MACROD1: variants seen among roughly 807,000 people sequenced by gnomAD.
The protein encoded by MACROD1 is ADP-ribose glycohydrolase MACROD1.
MACROD1 carries 31 observed loss-of-function variants against 41.4 expected under a neutral mutation model. That is an observed-to-expected ratio of 0.75 (90% CI 0.56 to 1.01). The LOEUF (loss-of-function observed/expected upper bound fraction) is 1.01, where lower values mean the gene tolerates loss of function less well. Ranked by LOEUF, MACROD1 falls within the 50% of genes least tolerant of loss-of-function variation. The pLI, the probability that MACROD1 is intolerant of heterozygous loss-of-function variation, is 0.00. For missense variants in MACROD1, 473 were observed against 460.0 expected, an observed-to-expected ratio of 1.03 and a Z score of -0.26; for synonymous variants, 252 against 203.4, an observed-to-expected ratio of 1.24 and a Z score of -2.03.
Position 63,999,652 on chromosome 11 carries a change from A to G in MACROD1, c.776T>C (p.Leu259Pro). The change falls in exon 6 of 11, where the codon CTC becomes CCC. Residue 259 changes from leucine (L) to proline (P), a missense_variant. Transcript: ENST00000255681. ...SSLDLLLEHR[L>P]RSVAFPCIST... Reference sequence around the variant, plus strand: ...CGGGCCGTCCCTCACCACCGAGCGGAGCCGGTGCTCCAGCAGCAGGTCCAG... The same window carrying G: ...CGGGCCGTCCCTCACCACCGAGCGGGGCCGGTGCTCCAGCAGCAGGTCCAG... 1 of 1,609,228 alleles carries G rather than the reference A, an allele frequency of 6.2e-7. No individual in the cohort carries two copies. The highest frequency in any genetic ancestry group is 8.5e-7 in the Non-Finnish European group (1 of 1,178,914).
At chr11:64,045,092 T>G (rs1943558925) in intron 3 of MACROD1, among the ~76,000 whole-genome samples, 1 of 152,174 alleles carries the variant, frequency 6.6e-6, no homozygotes, top group Non-Finnish European at 1.5e-5. Context: ...GGGGGAGCAG[T>G]CCGGGTGCAT....
intron 3 of MACROD1, among the ~76,000 whole-genome samples, chr11:64,034,172 G>A (rs1016895873): frequency 1.3e-5 from 2 of 152,304 alleles, no homozygotes; most frequent in East Asian, 1.9e-4. Context: ...TGAGCCACAC[G>A]CCAAGTGCTG....
intron 5 of MACROD1, 125 bp from the exon 6 acceptor site, chr11:63,999,888 C>A: frequency 8.8e-7 from 1 of 1,130,680 alleles, no homozygotes; most frequent in South Asian, 1.6e-5. Context: ...GAGCCTCCTC[C>A]GCGAAGGCCC....
At chr11:64,024,719 G>A (rs1165604065) in intron 3 of MACROD1, among the ~76,000 whole-genome samples, 2 of 152,200 alleles carry the variant, frequency 1.3e-5, no homozygotes, top group African/African-American at 4.8e-5. Context: ...GAGGGTGGAG[G>A]GCATCAGAGA....
At chr11:64,059,500 C>T (rs1356878471) in intron 3 of MACROD1, among the ~76,000 whole-genome samples, 1 of 152,198 alleles carries the variant, frequency 6.6e-6, no homozygotes, top group Admixed American at 6.5e-5. Context: ...CACAGGCTGA[C>T]CCTGGGTACC....
intron 3 of MACROD1, among the ~76,000 whole-genome samples, chr11:64,114,741 G>GGA (rs1330712498): frequency 6.6e-6 from 1 of 152,128 alleles, no homozygotes; most frequent in East Asian, 1.9e-4. Context: ...ATGGATGGAT[G>GGA]GACAGGTCCA....
At chr11:64,092,772 C>T (rs986412520) in intron 3 of MACROD1, among the ~76,000 whole-genome samples, 4 of 152,216 alleles carry the variant, frequency 2.6e-5, no homozygotes, top group South Asian at 2.1e-4. Flanking sequence ...CCTGAGTAAA[C>T]GGGTGCATGA....
At chr11:64,021,765 C>A (rs1004722347) in intron 3 of MACROD1, among the ~76,000 whole-genome samples, 3 of 151,994 alleles carry the variant, frequency 2.0e-5, no homozygotes, top group South Asian at 4.1e-4. Context: ...AAGTGTGCAG[C>A]CAGCCCCACC....
At chr11:64,007,275 C>G (rs571022236) in intron 4 of MACROD1, among the ~76,000 whole-genome samples, 70 of 152,272 alleles carry the variant, frequency 4.6e-4, no homozygotes, top group Non-Finnish European at 4.4e-4. Flanking sequence ...ACGGGACACG[C>G]GGCTCTAAGT....
intron 4 of MACROD1, chr11:64,001,063 G>T (rs551783032): frequency 4.1e-6 from 1 of 242,324 alleles, no homozygotes; most frequent in Non-Finnish European, 8.0e-6. Flanking sequence ...TTGTTTATCC[G>T]AGGGCGGCTG....
At chr11:64,009,959 C>G (rs1308364510) in intron 4 of MACROD1, among the ~76,000 whole-genome samples, 1 of 152,108 alleles carries the variant, frequency 6.6e-6, no homozygotes, top group African/African-American at 2.4e-5. Context: ...GGGTGTTGGC[C>G]GGGGTGTTGG....
At chr11:64,087,349 C>T (rs978381098) in intron 3 of MACROD1, among the ~76,000 whole-genome samples, 2 of 152,006 alleles carry the variant, frequency 1.3e-5, no homozygotes, top group Admixed American at 1.3e-4. Flanking sequence ...CCAACCCTGC[C>T]ACCCCTGCCA....
rs567800569 is a variant in MACROD1 at position 64,001,888 on chromosome 11, A to G, written c.548-1545T>C. On this transcript the variant is annotated intron_variant, in intron 4 of 10. Coordinates refer to ENST00000255681, the MANE Select transcript of MACROD1 (RefSeq NM_014067.4). The stretch of plus-strand genomic sequence containing the variant: ...AGTTCACATCCTGGCTCTGCCAGCC[A>G]CAGATGTGTGACCCCTCACATATCA... 34 of 650,848 alleles carry G rather than the reference A, an allele frequency of 5.2e-5. No homozygotes were observed. In the South Asian group the frequency reaches 5.4e-4, roughly 10 times the overall value. 40.3% of individuals were successfully genotyped at this position (650,848 alleles called of 1,614,324 possible).
rs1279214324 is a variant in MACROD1 at position 64,120,546 on chromosome 11, C to A, written c.517+30693G>T. ...TCTAAAAATGCAAAAATTAGCCAGGCATGGTGGCAGGCGCCTGTTACCTGG... is the reference window on the plus strand; with the variant it reads ...TCTAAAAATGCAAAAATTAGCCAGGAATGGTGGCAGGCGCCTGTTACCTGG... On this transcript the variant is annotated intron_variant, in intron 3 of 10. Transcript: ENST00000255681. The surrounding 1 kb of genome is among the most constrained non-coding windows in gnomAD (Gnocchi z 4.5). 6.6e-6 allele frequency among the ~76,000 whole-genome samples: 1 copy of A among 152,136 alleles called. No individual in the cohort carries two copies. The highest frequency in any genetic ancestry group is 1.5e-5 in the Non-Finnish European group (1 of 68,026).
chr11:64,062,391 C>G (rs936553384), intron 3 of MACROD1, among the ~76,000 whole-genome samples: 2 of 152,184 alleles, frequency 1.3e-5, no homozygotes, highest in Non-Finnish European at 2.9e-5. Context: ...ACCTGGAGGT[C>G]TTATGTCTGC....
In MACROD1 at chr11:64,122,723, C is replaced by T. The variant is rs566249812; in HGVS notation, c.517+28516G>A. Among the ~76,000 whole-genome samples the T allele has an allele frequency of 6.6e-6, 1 of 152,272 alleles. No individual in the cohort carries two copies. The highest frequency in any genetic ancestry group is 6.5e-5 in the Admixed American group (1 of 15,296). On this transcript the variant is annotated intron_variant, in intron 3 of 10. Coordinates refer to ENST00000255681, the MANE Select transcript of MACROD1 (RefSeq NM_014067.4). The surrounding 1 kb of genome is among the most constrained non-coding windows in gnomAD (Gnocchi z 4.0). ...ACTCAGGAAACTGGTGCTCCAGAGGCCAAGTGGGGGCCCTTCCCCGCTGCT... is the reference window on the plus strand; with the variant it reads ...ACTCAGGAAACTGGTGCTCCAGAGGTCAAGTGGGGGCCCTTCCCCGCTGCT...
At chr11:64,109,638 C>T (rs1420586617) in intron 3 of MACROD1, among the ~76,000 whole-genome samples, 6 of 152,236 alleles carry the variant, frequency 3.9e-5, no homozygotes, top group South Asian at 4.2e-4. Flanking sequence ...CTTACCTCCC[C>T]GGACTCCTCC....
chr11:64,080,322 T>G (rs930670316), intron 3 of MACROD1, among the ~76,000 whole-genome samples: 1 of 152,222 alleles, frequency 6.6e-6, no homozygotes, highest in Non-Finnish European at 1.5e-5. Flanking sequence ...TGAATATTTT[T>G]CTTTATAAGC....
At chr11:64,092,924 A>T (rs896892907) in intron 3 of MACROD1, among the ~76,000 whole-genome samples, 38 of 152,194 alleles carry the variant, frequency 2.5e-4, no homozygotes, top group African/African-American at 9.2e-4. Flanking sequence ...GACTTCTCAG[A>T]TCCTTTAATA....
Sources: gnomAD v4.1 joint callset for allele counts (sites outside exome capture counted in the v4.1 genomes callset) on GRCh38, gnomAD v4.1.1 for gene constraint, Gnocchi (gnomAD v3.1) non-coding constraint, MANE v1.5 for transcripts, NCBI Gene and HGNC (gene_info 2026-07-23, HGNC 2026-07-21) for gene names.